Variants in TBC1D5 observed in about 807,000 individuals in gnomAD.
TBC1D5 encodes the protein TBC1 domain family, member 5.
In TBC1D5, 75 loss-of-function variants were observed where a neutral mutation model predicts 100.3. That is an observed-to-expected ratio of 0.75 (90% CI 0.62 to 0.91). TBC1D5 has a LOEUF of 0.91. TBC1D5 is among the 40% of genes least tolerant of loss of function. The pLI is 0.00. For synonymous variants in TBC1D5, 323 were observed against 325.6 expected (o/e 0.99, Z 0.09); for missense variants, 910 against 942.4 (o/e 0.97, Z 0.45).
intron 4 of TBC1D5, among the ~76,000 whole-genome samples, chr3:17,412,774 A>G (rs1022678419): frequency 8.5e-5 from 13 of 152,156 alleles, no homozygotes; most frequent in Non-Finnish European, 1.8e-4. Flanking sequence ...GAAAAATTGA[A>G]TAACTTGTCA....
At chr3:17,346,697 TA>T (rs2089926844) in intron 13 of TBC1D5, among the ~76,000 whole-genome samples, 1 of 152,208 alleles carries the variant, frequency 6.6e-6, no homozygotes, top group Non-Finnish European at 1.5e-5. Context: ...CCTAGCTTTT[TA>T]AAGCAGTTTC....
intron 1 of TBC1D5, among the ~76,000 whole-genome samples, chr3:17,648,476 G>A (rs140636014): frequency 2.4e-4 from 37 of 152,210 alleles, no homozygotes; most frequent in Non-Finnish European, 1.8e-4. Context: ...AAATTGACAA[G>A]TGGGATCTTA....
intron 16 of TBC1D5, among the ~76,000 whole-genome samples, chr3:17,256,952 C>A (rs866175070): frequency 6.6e-6 from 1 of 151,846 alleles, no homozygotes; most frequent in South Asian, 2.1e-4. Flanking sequence ...GGTGCACAGG[C>A]CCTAAGCAAG....
At position 17,380,412 on chromosome 3, in the gene TBC1D5, T is replaced by C. The variant is rs1170267325; in HGVS notation, c.612+3501A>G. Among the ~76,000 whole-genome samples, 3 of 151,992 alleles carry C rather than the reference T, an allele frequency of 2.0e-5. No homozygotes were observed. The East Asian group carries it at 5.8e-4, about 29-fold the overall frequency. On this transcript the variant is annotated intron_variant, in intron 9 of 21. Coordinates refer to ENST00000253692, the Ensembl canonical transcript of TBC1D5. ...CTATCAATTCTAGACTAGTAAAACCTGTTTAATAATTACAAATGGCAATTA... is the reference window on the plus strand; with the variant it reads ...CTATCAATTCTAGACTAGTAAAACCCGTTTAATAATTACAAATGGCAATTA...
At chr3:17,620,010 CTGTT>C (rs781349458) in intron 2 of TBC1D5, among the ~76,000 whole-genome samples, 10 of 152,218 alleles carry the variant, frequency 6.6e-5, no homozygotes, top group Non-Finnish European at 1.5e-4. Context: ...ACCATGCACT[CTGTT>C]TGCAAGGCTG....
At chr3:17,326,884 T>G (rs905310091) in intron 13 of TBC1D5, among the ~76,000 whole-genome samples, 6 of 152,212 alleles carry the variant, frequency 3.9e-5, no homozygotes, top group Non-Finnish European at 1.5e-5. Flanking sequence ...CTCTAGTTGC[T>G]CAGGAGCCAA....
At chr3:17,314,856 G>A (rs1281718557) in intron 13 of TBC1D5, among the ~76,000 whole-genome samples, 1 of 152,212 alleles carries the variant, frequency 6.6e-6, no homozygotes, top group Admixed American at 6.5e-5. Flanking sequence ...TCTAATTACA[G>A]TAGTGGCCTG....
intron 1 of TBC1D5, among the ~76,000 whole-genome samples, chr3:17,649,524 G>A (rs115695103): frequency 1.7e-3 from 256 of 151,972 alleles, no homozygotes; most frequent in East Asian, 7.5e-3. Context: ...TTTATGCGGC[G>A]AACAAACATA....
intron 1 of TBC1D5, among the ~76,000 whole-genome samples, chr3:17,705,430 A>T (rs1351215461): frequency 1.4e-5 from 2 of 144,796 alleles, no homozygotes; most frequent in Non-Finnish European, 3.0e-5. Context: ...TGCCGGGCGG[A>T]GAGGCTCCTC....
chr3:17,304,917 T>A (rs2150466203), intron 14 of TBC1D5, among the ~76,000 whole-genome samples: 1 of 152,284 alleles, frequency 6.6e-6, no homozygotes, highest in Non-Finnish European at 1.5e-5. Context: ...ATATCTGCTA[T>A]CTCCATATTC....
chr3:17,471,670 CAAAAAAAAAAAAA>C (rs753132440), intron 3 of TBC1D5, among the ~76,000 whole-genome samples: 1 of 22,288 alleles, frequency 4.5e-5, no homozygotes, highest in African/African-American at 1.9e-4. Context: ...GACTCCGTCT[CAAAAAAAAAAAAA>C]AAAAAAAAAA....
At chr3:17,455,202 G>A (rs1401406574) in intron 3 of TBC1D5, among the ~76,000 whole-genome samples, 3 of 132,580 alleles carry the variant, frequency 2.3e-5, no homozygotes, top group Non-Finnish European at 4.6e-5. Flanking sequence ...GTATATATAT[G>A]TATATATGTA....
intron 1 of TBC1D5, among the ~76,000 whole-genome samples, chr3:17,719,662 TAATAA>T (rs2153962134): frequency 6.6e-6 from 1 of 152,238 alleles, no homozygotes; most frequent in African/African-American, 2.4e-5. Flanking sequence ...AAGTTTGACA[TAATAA>T]AATCAAAAAA....
chr3:17,682,335 T>C (rs146074070), intron 1 of TBC1D5, among the ~76,000 whole-genome samples: 1 of 151,548 alleles, frequency 6.6e-6, no homozygotes, highest in East Asian at 1.9e-4. Context: ...GAACTATCCA[T>C]TAAAGTATGA....
chr3:17,379,404 C>G (rs1469776399), intron 9 of TBC1D5, among the ~76,000 whole-genome samples: 3 of 152,078 alleles, frequency 2.0e-5, no homozygotes, highest in East Asian at 1.9e-4. Context: ...AATAAGAGTT[C>G]TTGTCTAAAT....
intron 4 of TBC1D5, among the ~76,000 whole-genome samples, chr3:17,411,042 C>A (rs971607756): frequency 1.3e-5 from 2 of 152,062 alleles, no homozygotes; most frequent in Admixed American, 1.3e-4. Flanking sequence ...AAGAGTCAAT[C>A]TATGTGGCAT....
At chr3:17,551,092 A>G (rs955312725) in intron 2 of TBC1D5, among the ~76,000 whole-genome samples, 2 of 152,140 alleles carry the variant, frequency 1.3e-5, no homozygotes, top group Admixed American at 1.3e-4. Context: ...AAGTGCATAA[A>G]CATGCACTCT....
chr3:17,737,936 AC>A (rs1258916891), intron 1 of TBC1D5, among the ~76,000 whole-genome samples: 1 of 152,208 alleles, frequency 6.6e-6, no homozygotes, highest in East Asian at 1.9e-4. Context: ...ACCACATGCA[AC>A]ACTGGACAAT....
intron 18 of TBC1D5, among the ~76,000 whole-genome samples, chr3:17,192,639 TG>T (rs2070099736): frequency 6.6e-6 from 1 of 152,256 alleles, no homozygotes; most frequent in African/African-American, 2.4e-5. Context: ...TTAGAAATTT[TG>T]AACTGAAATT....
Sources: allele counts gnomAD v4.1 joint callset (sites outside exome capture counted in the v4.1 genomes callset), GRCh38; gene constraint gnomAD v4.1.1; transcripts MANE v1.5; gene names NCBI Gene and HGNC (gene_info 2026-07-23, HGNC 2026-07-21).